LRRK1: variants seen among roughly 807,000 people sequenced by gnomAD.
The protein encoded by LRRK1 is leucine rich repeat kinase 1.
In LRRK1, 113 loss-of-function variants were observed where a neutral mutation model predicts 209.1. The observed-to-expected ratio is 0.54, with a 90% CI of 0.46 to 0.63. The LOEUF (loss-of-function observed/expected upper bound fraction) is 0.63, where lower values mean the gene tolerates loss of function less well. LRRK1 is among the 30% of genes least tolerant of loss of function. LRRK1 has a pLI of 0.00. For missense variants in LRRK1, 2,284 were observed against 2,632.2 expected (o/e 0.87, Z 2.89); for synonymous variants, 1,144 against 1,099.7 (o/e 1.04, Z -0.80).
intron 29 of LRRK1, among the ~76,000 whole-genome samples, chr15:101,060,660 G>A (rs1304732228): frequency 6.6e-6 from 1 of 152,252 alleles, no homozygotes; most frequent in Non-Finnish European, 1.5e-5. Flanking sequence ...CAGGATGCCC[G>A]CCACAGCCTG....
At chr15:100,970,596 T>C (rs913869394) in intron 2 of LRRK1, among the ~76,000 whole-genome samples, 25 of 152,246 alleles carry the variant, frequency 1.6e-4, no homozygotes, top group African/African-American at 6.0e-4. Flanking sequence ...TTTCCAAGTC[T>C]TGAAATCAGG....
At position 101,015,411 on chromosome 15, in the gene LRRK1, G is replaced by A. The variant is rs749676913; in HGVS notation, c.1609+9G>A. On this transcript the variant is annotated intron_variant, in intron 12 of 33. Coordinates refer to ENST00000388948, the MANE Select transcript of LRRK1 (RefSeq NM_024652.6). ...CTCCGGGACTGAGGCAGGTGTGTGT[G>A]GGTTGGGAGACGGTGTTCCCAGATG... 5.0e-6 allele frequency: 8 copies of A among 1,608,994 alleles called. No homozygotes were observed. The highest frequency in any genetic ancestry group is 4.0e-5 in the African/African-American group (3 of 74,808).
intron 1 of LRRK1, among the ~76,000 whole-genome samples, chr15:100,924,073 C>T (rs546491373): frequency 9.2e-5 from 14 of 152,202 alleles, no homozygotes; most frequent in African/African-American, 1.7e-4. Flanking sequence ...GAACTGGCCC[C>T]GGGCAAAAGG....
chr15:100,989,895 G>C (rs2032066755), intron 6 of LRRK1, among the ~76,000 whole-genome samples: 3 of 149,870 alleles, frequency 2.0e-5, no homozygotes, highest in African/African-American at 7.4e-5. Flanking sequence ...TTCAAAAATT[G>C]GTTAAATATA....
At chr15:100,985,518 T>C (rs1409079252) in intron 4 of LRRK1, among the ~76,000 whole-genome samples, 1 of 152,176 alleles carries the variant, frequency 6.6e-6, no homozygotes, top group African/African-American at 2.4e-5. Context: ...GGTTGAAGTA[T>C]TTTTACGCAG....
At chr15:101,031,774 G>A (rs553611729) in intron 20 of LRRK1, among the ~76,000 whole-genome samples, 23 of 149,334 alleles carry the variant, frequency 1.5e-4, no homozygotes, top group African/African-American at 2.5e-4. Context: ...TCGCTCTGTC[G>A]CCCAGACTGG....
At chr15:100,932,283 G>A (rs1190119817) in intron 2 of LRRK1, among the ~76,000 whole-genome samples, 2 of 152,126 alleles carry the variant, frequency 1.3e-5, no homozygotes, top group Non-Finnish European at 2.9e-5. Flanking sequence ...ACAGCACCTG[G>A]CCTGAGTGTG....
At chr15:100,938,147 C>A (rs1432203377) in intron 2 of LRRK1, among the ~76,000 whole-genome samples, 1 of 152,018 alleles carries the variant, frequency 6.6e-6, no homozygotes, top group Non-Finnish European at 1.5e-5. Context: ...ATGTGAGCCA[C>A]CACACCCGGC....
At chr15:101,066,507 C>T (rs2036537621) in intron 32 of LRRK1, 133 bp from the exon 33 acceptor site, 7 of 862,350 alleles carry the variant, frequency 8.1e-6, no homozygotes, top group East Asian at 2.4e-5. Flanking sequence ...CTGTCCCCTC[C>T]CCATAACTTA....
Position 101,057,987 on chromosome 15 carries a change from C to T in LRRK1, c.4528-3C>T. The T allele has an allele frequency of 1.9e-6, 3 of 1,614,050 alleles. No homozygotes were observed. The highest frequency in any genetic ancestry group is 2.5e-6 in the Non-Finnish European group (3 of 1,179,960). On this transcript the variant is annotated splice_region_variant and splice_polypyrimidine_tract_variant and intron_variant, in intron 28 of 33. Transcript: ENST00000388948. ...CTCTCTTCTGGTGGCTTCTCTCCCT[C>T]AGCGACCGCTGGCCCTGTCGGTGGT...
chr15:101,033,498 A>G (rs1202255967), intron 20 of LRRK1, among the ~76,000 whole-genome samples: 2 of 152,076 alleles, frequency 1.3e-5, no homozygotes, highest in Non-Finnish European at 2.9e-5. Flanking sequence ...TTTAGCTCCC[A>G]CATATGAGTG....
chr15:101,021,435 C>G (rs1445051649), intron 13 of LRRK1, among the ~76,000 whole-genome samples: 1 of 152,162 alleles, frequency 6.6e-6, no homozygotes, highest in African/African-American at 2.4e-5. Flanking sequence ...AATCATTCAT[C>G]CTTTCATTAC....
Position 101,053,352 on chromosome 15 carries a change from C to T in LRRK1, c.3986C>T (p.Pro1329Leu), listed in dbSNP as rs1380724814. The change falls in exon 26 of 34, where the codon CCG becomes CTG. Residue 1329 changes from proline (P) to leucine (L), a missense_variant. Transcript: ENST00000388948. ...IVALIGISIH[P>L]LCFALELAPL... ...GCGCTCATCGGCATCAGCATCCACCCGCTCTGCTTCGCCCTGGAGCTCGCG... is the reference window on the plus strand; with the variant it reads ...GCGCTCATCGGCATCAGCATCCACCTGCTCTGCTTCGCCCTGGAGCTCGCG... 2 of 1,602,734 alleles carry T rather than the reference C, an allele frequency of 1.2e-6. No homozygotes were observed. The highest frequency in any genetic ancestry group is 2.2e-5 in the South Asian group (2 of 91,064).
rs945411806 is a variant in LRRK1 at position 101,062,791 on chromosome 15, T to G, written c.4914+101T>G. The G allele has an allele frequency of 2.5e-5, 21 of 825,530 alleles. No homozygotes were observed. The South Asian group carries it at 2.8e-4, about 11-fold the overall frequency. 51.1% of individuals were successfully genotyped at this position (825,530 alleles called of 1,614,324 possible). A position where few individuals can be genotyped will look rare whatever the true frequency, so the allele number is the denominator to read the frequency against. On this transcript the variant is annotated intron_variant, in intron 31 of 33. Coordinates refer to ENST00000388948, the MANE Select transcript of LRRK1 (RefSeq NM_024652.6). ...AGGGTGGCGCCTGCAGAGCCACACC[T>G]AGGACCACCTGGCCTAGGACGTAGA... is the stretch of plus-strand genomic sequence containing the variant.
At chr15:101,059,201 G>C (rs2036006511) in intron 29 of LRRK1, among the ~76,000 whole-genome samples, 1 of 152,166 alleles carries the variant, frequency 6.6e-6, no homozygotes, top group Non-Finnish European at 1.5e-5. Context: ...ACCAGTCTAG[G>C]AAACATGGTG....
At chr15:101,011,257 A>G (rs969591348) in intron 9 of LRRK1, among the ~76,000 whole-genome samples, 2 of 151,920 alleles carry the variant, frequency 1.3e-5, no homozygotes, top group African/African-American at 4.8e-5. Flanking sequence ...TCACAAGGTC[A>G]GGAGATTGAG....
At chr15:101,016,189 C>T (rs540780925) in intron 12 of LRRK1, among the ~76,000 whole-genome samples, 5 of 152,182 alleles carry the variant, frequency 3.3e-5, no homozygotes, top group South Asian at 2.1e-4. Flanking sequence ...CCACTGTGCC[C>T]GGCCCCTCTT....
rs1441953247 is a variant in LRRK1, at chr15:101,052,925, C to T, written c.3693C>T (p.Leu1231=). ...TGATGCCGGGCGTGTGTGGCAGGCT[C>T]TTCCTGGAGAACAGCAAGCTGGAGC... ...ELFMTDFPAR[L]FLENSKLEHS... is the part of the protein sequence containing the mutation. The change falls in exon 25 of 34, where the codon CTC becomes CTT. Residue 1231 remains leucine (L), a synonymous_variant. Transcript: ENST00000388948. 5 of 1,604,708 alleles carry T rather than the reference C, an allele frequency of 3.1e-6. No homozygotes were observed. Among genetic ancestry groups the T allele is most frequent in the Non-Finnish European group, 4.3e-6 (5 of 1,172,894 alleles).
At position 101,072,739 on chromosome 15, in the gene LRRK1, C is replaced by G. The variant is rs959044199; in HGVS notation, c.*3891C>G. ...CCCCCACTGAGCACGTTGCCACCCC[C>G]ACTCCTGCCCGCCAGAGAACAAACC... On this transcript the variant is annotated 3_prime_UTR_variant, in exon 34 of 34. Transcript: ENST00000388948. The G allele has an allele frequency of 6.6e-6, 1 of 152,316 alleles. No homozygotes were observed. Among genetic ancestry groups the G allele is most frequent in the South Asian group, 2.1e-4 (1 of 4,842 alleles). 9.4% of individuals were successfully genotyped at this position (152,316 alleles called of 1,614,324 possible). A position where few individuals can be genotyped will look rare whatever the true frequency, so the allele number is the denominator to read the frequency against.
Sources: gnomAD v4.1 joint callset for allele counts (sites outside exome capture counted in the v4.1 genomes callset) on GRCh38, gnomAD v4.1.1 for gene constraint, MANE v1.5 for transcripts, NCBI Gene and HGNC (gene_info 2026-07-23, HGNC 2026-07-21) for gene names.